Variants in HFM1 observed in about 807,000 individuals in gnomAD.
The protein encoded by HFM1 is helicase for meiosis 1, also known as probable ATP-dependent DNA helicase HFM1.
A neutral mutation model predicts 192.1 loss-of-function variants in HFM1; 169 were observed. That is an observed-to-expected ratio of 0.88 (90% CI 0.78 to 1.00). The LOEUF (loss-of-function observed/expected upper bound fraction) is 1.00, where lower values mean the gene tolerates loss of function less well. Among genes scored for constraint, HFM1 ranks in the 50% least tolerant of loss-of-function variants. The probability of loss-of-function intolerance (pLI) is 0.00; values close to 1 mark genes in which losing one functional copy is unlikely to be tolerated. For missense variants in HFM1, 1,661 were observed against 1,668.0 expected (o/e 1.00, Z 0.07); for synonymous variants, 525 against 537.8 (o/e 0.98, Z 0.33).
intron 2 of HFM1, among the ~76,000 whole-genome samples, chr1:91,398,860 T>C (rs1290079924): frequency 6.6e-6 from 1 of 152,078 alleles, no homozygotes; most frequent in Non-Finnish European, 1.5e-5. Context: ...GTCTGGCTAA[T>C]TTTTGTATTT....
rs12025493 is a variant in HFM1, at chr1:91,300,748, A to C, written c.3391+12601T>G. ...AAAATTCAACAACCCTTCATGCTAAAAACTCTCAATAAATTAGTTATTGAT... is the reference window on the plus strand; with the variant it reads ...AAAATTCAACAACCCTTCATGCTAACAACTCTCAATAAATTAGTTATTGAT... On this transcript the variant is annotated intron_variant, in intron 30 of 38. Transcript: ENST00000370425. Among the ~76,000 whole-genome samples, 19 of 152,328 alleles carry C rather than the reference A, an allele frequency of 1.2e-4. No individual in the cohort carries two copies. The East Asian group carries it at 3.3e-3, about 26-fold the overall frequency.
At chr1:91,357,979 T>C (rs1657968989) in intron 13 of HFM1, among the ~76,000 whole-genome samples, 1 of 152,216 alleles carries the variant, frequency 6.6e-6, no homozygotes, top group Non-Finnish European at 1.5e-5. Context: ...CCTGTGTTGA[T>C]GGATTGAAAG....
chr1:91,293,939 T>C (rs1669085794), intron 30 of HFM1, among the ~76,000 whole-genome samples: 1 of 149,380 alleles, frequency 6.7e-6, no homozygotes, highest in Admixed American at 6.9e-5. Context: ...CTCAGCAAAC[T>C]ATCGCAAGAA....
intron 25 of HFM1, 56 bp from the exon 26 acceptor site, chr1:91,316,532 A>ATGTTT: frequency 1.4e-6 from 1 of 695,564 alleles, no homozygotes; most frequent in Non-Finnish European, 2.2e-6. Flanking sequence ...AATAAAACAT[A>ATGTTT]TATTTAAATA....
intron 30 of HFM1, among the ~76,000 whole-genome samples, chr1:91,292,932 G>A (rs987299577): frequency 1.2e-4 from 18 of 152,074 alleles, no homozygotes; most frequent in Non-Finnish European, 2.1e-4. Flanking sequence ...TGACAAACCC[G>A]ACAAAAACAG....
intron 30 of HFM1, among the ~76,000 whole-genome samples, chr1:91,302,994 G>A (rs1316592078): frequency 6.6e-6 from 1 of 151,892 alleles, no homozygotes; most frequent in African/African-American, 2.4e-5. Context: ...GGAATACAAT[G>A]GACTTTTAAA....
intron 15 of HFM1, 76 bp from the exon 16 acceptor site, chr1:91,352,727 T>G: frequency 1.8e-6 from 2 of 1,108,656 alleles, no homozygotes; most frequent in Non-Finnish European, 2.5e-6. Context: ...ATAAAAGACA[T>G]TCTTATAAAT....
chr1:91,355,152 A>G (rs1657546198), intron 13 of HFM1, among the ~76,000 whole-genome samples: 1 of 152,156 alleles, frequency 6.6e-6, no homozygotes, highest in Non-Finnish European at 1.5e-5. Flanking sequence ...AAAATAGTCT[A>G]TTATAACTCT....
intron 30 of HFM1, among the ~76,000 whole-genome samples, chr1:91,310,966 G>A (rs1266522357): frequency 1.3e-5 from 2 of 152,166 alleles, no homozygotes; most frequent in African/African-American, 2.4e-5. Context: ...ATGTGGAAGC[G>A]ACTTTGAAAC....
chr1:91,354,507 G>C (rs529843525), intron 13 of HFM1, among the ~76,000 whole-genome samples: 1 of 151,964 alleles, frequency 6.6e-6, no homozygotes, highest in African/African-American at 2.4e-5. Flanking sequence ...CACCAAACAC[G>C]TTCAAACCCA....
chr1:91,322,439 T>G (rs1652262154), intron 23 of HFM1, among the ~76,000 whole-genome samples: 1 of 152,202 alleles, frequency 6.6e-6, no homozygotes, highest in African/African-American at 2.4e-5. Context: ...CATTTGTGAC[T>G]GCAAACTGCT....
At chr1:91,279,152 TATA>T (rs535501274) in intron 30 of HFM1, among the ~76,000 whole-genome samples, 1 of 152,186 alleles carries the variant, frequency 6.6e-6, no homozygotes, top group African/African-American at 2.4e-5. Flanking sequence ...TCTGAAATCC[TATA>T]ATAAGATTCT....
Position 91,279,136 on chromosome 1 carries a change from T to C in HFM1, c.3392-2074A>G, listed in dbSNP as rs183897957. Among the ~76,000 whole-genome samples the C allele has an allele frequency of 1.1e-4, 17 of 152,120 alleles. No homozygotes were observed. The East Asian group carries it at 2.1e-3, about 19-fold the overall frequency. On this transcript the variant is annotated intron_variant, in intron 30 of 38. Transcript: ENST00000370425. ...CCCAGCACAAGCTGAAATCCTATAA[T>C]AAGATTCTGAAATCCTATAATAAGA... is the stretch of plus-strand genomic sequence containing the variant.
At chr1:91,287,333 C>T (rs903046130) in intron 30 of HFM1, among the ~76,000 whole-genome samples, 2 of 152,180 alleles carry the variant, frequency 1.3e-5, no homozygotes, top group Non-Finnish European at 2.9e-5. Context: ...CAGACTGCCT[C>T]CTCAAGTGAG....
chr1:91,281,045 G>C (rs535494264), intron 30 of HFM1, among the ~76,000 whole-genome samples: 1 of 152,210 alleles, frequency 6.6e-6, no homozygotes, highest in African/African-American at 2.4e-5. Context: ...ACCGAAGAGG[G>C]GGCACAATCA....
At chr1:91,400,739 C>T (rs1429745427) in intron 2 of HFM1, among the ~76,000 whole-genome samples, 1 of 152,168 alleles carries the variant, frequency 6.6e-6, no homozygotes, top group Non-Finnish European at 1.5e-5. Context: ...CCGCCTCAGC[C>T]TTCCAAAGTG....
rs1173275597 is a variant in HFM1, at chr1:91,378,302, G to A, written c.1236+101C>T. The stretch of plus-strand genomic sequence containing the variant: ...GAAAATGAGCATTTTCCACTTGAAG[G>A]GATAAAACAAACATATAGTTTGGTT... On this transcript the variant is annotated intron_variant, in intron 10 of 38. Transcript: ENST00000370425. 6.5e-6 allele frequency: 8 copies of A among 1,233,014 alleles called. No homozygotes were observed. In the African/African-American group the frequency reaches 1.1e-4, roughly 16 times the overall value. The allele number at this position is 1,233,014 out of a possible 1,614,324, so 76.4% of individuals were successfully genotyped here.
At chr1:91,406,745 C>CT (rs1054214332), upstream of HFM1, among the ~76,000 whole-genome samples, 1 of 152,208 alleles carries the variant, frequency 6.6e-6, no homozygotes, top group Non-Finnish European at 1.5e-5. Flanking sequence ...GCATAAAGAG[C>CT]TTTGCTACCT....
intron 11 of HFM1, among the ~76,000 whole-genome samples, chr1:91,377,117 T>G (rs1331224868): frequency 1.3e-5 from 2 of 151,744 alleles, no homozygotes; most frequent in African/African-American, 4.8e-5. Context: ...AGTATGTACA[T>G]TATGATTCCT....
Sources: gnomAD v4.1 joint callset for allele counts (sites outside exome capture counted in the v4.1 genomes callset) on GRCh38, gnomAD v4.1.1 for gene constraint, MANE v1.5 for transcripts, NCBI Gene and HGNC (gene_info 2026-07-23, HGNC 2026-07-21) for gene names.